USP31: variants seen among roughly 807,000 people sequenced by gnomAD.
The protein encoded by USP31 is ubiquitin carboxyl-terminal hydrolase 31.
In USP31, 44 loss-of-function variants were observed where a neutral mutation model predicts 119.4. The observed-to-expected ratio is 0.37, with a 90% CI of 0.29 to 0.47. The LOEUF is 0.47. Ranked by LOEUF, USP31 falls within the 20% of genes least tolerant of loss-of-function variation. USP31 has a pLI of 0.99. For synonymous variants in USP31, 749 were observed against 705.6 expected, an observed-to-expected ratio of 1.06 and a Z score of -0.97; for missense variants, 1,643 against 1,730.2, an observed-to-expected ratio of 0.95 and a Z score of 0.89.
In USP31 at chr16:23,068,305, C is replaced by T. The variant is rs1409755861; in HGVS notation, c.3800G>A (p.Gly1267Glu). ...SSVKSVCKNT[G>E]DDEAERGHQP... ...GTGGCCTCTCTCTGCCTCGTCGTCC[C>T]CGGTGTTCTTACAGACAGACTTAAC... The change falls in exon 16 of 16, where the codon GGG becomes GAG. Residue 1267 changes from glycine (G) to glutamate (E), a missense_variant. Coordinates refer to ENST00000219689, the MANE Select transcript of USP31 (RefSeq NM_020718.4). The T allele has an allele frequency of 6.2e-7, 1 of 1,613,974 alleles. No homozygotes were observed. Among genetic ancestry groups the T allele is most frequent in the Non-Finnish European group, 8.5e-7 (1 of 1,179,864 alleles).
chr16:23,117,660 T>C (rs1902534346), intron 1 of USP31, among the ~76,000 whole-genome samples: 1 of 152,174 alleles, frequency 6.6e-6, no homozygotes, highest in African/African-American at 2.4e-5. Context: ...AAAAACTTTC[T>C]GCTAGAAACT....
rs780428101 is a variant in USP31 at position 23,069,541 on chromosome 16, G to T, written c.2564C>A (p.Pro855His). ...SLSSRSSVTS[P>H]LAVNENCMRP... ...CATGCAATTTTCATTGACGGCCAAG[G>T]GGCTGGTGACAGAAGATCTGGATGA... is the stretch of plus-strand genomic sequence containing the variant. Residue 855 changes from proline (P) to histidine (H), a missense_variant, in exon 16 of 16, where the codon CCC becomes CAC. Physicochemically the swap from Pro to His is moderately conservative, Grantham distance 77. Coordinates refer to ENST00000219689, the MANE Select transcript of USP31 (RefSeq NM_020718.4). The T allele has an allele frequency of 6.2e-7, 1 of 1,614,116 alleles. No homozygotes were observed. Among genetic ancestry groups the T allele is most frequent in the South Asian group, 1.1e-5 (1 of 91,078 alleles).
intron 1 of USP31, among the ~76,000 whole-genome samples, chr16:23,121,623 C>A (rs181365367): frequency 6.6e-6 from 1 of 152,310 alleles, no homozygotes; most frequent in Non-Finnish European, 1.5e-5. Context: ...ATGTTACTAT[C>A]ATATAGTAAC....
intron 6 of USP31, among the ~76,000 whole-genome samples, chr16:23,094,054 C>T (rs1219394140): frequency 1.3e-5 from 2 of 152,114 alleles, no homozygotes; most frequent in Non-Finnish European, 2.9e-5. Flanking sequence ...TCGCCTCACC[C>T]GGGAAGCTCA....
intron 1 of USP31, among the ~76,000 whole-genome samples, chr16:23,144,563 T>C (rs1903451267): frequency 6.6e-6 from 1 of 151,904 alleles, no homozygotes; most frequent in Non-Finnish European, 1.5e-5. Flanking sequence ...CACTGCAACC[T>C]CCACCTCCTG....
At chr16:23,082,598 G>C in intron 11 of USP31, 41 bp from the exon 12 acceptor site, 1 of 1,612,486 alleles carries the variant, frequency 6.2e-7, no homozygotes, top group South Asian at 1.1e-5. Flanking sequence ...GCCACTTAAT[G>C]CAAGACTGTG....
At chr16:23,139,253 T>G (rs888015570) in intron 1 of USP31, among the ~76,000 whole-genome samples, 1 of 151,960 alleles carries the variant, frequency 6.6e-6, no homozygotes, top group Non-Finnish European at 1.5e-5. Flanking sequence ...AATACAAAAA[T>G]TAGCTGGGCA....
At chr16:23,106,546 T>C in intron 2 of USP31, 59 bp from the exon 3 acceptor site, 2 of 1,485,330 alleles carry the variant, frequency 1.3e-6, no homozygotes, top group Non-Finnish European at 1.8e-6. Context: ...TGGTTGAAGA[T>C]GAAGCTAGAG....
intron 6 of USP31, among the ~76,000 whole-genome samples, chr16:23,092,841 T>C (rs955275593): frequency 1.3e-5 from 2 of 151,972 alleles, no homozygotes; most frequent in Admixed American, 6.5e-5. Context: ...AATCAGAAAC[T>C]GGAGGTGCCA....
chr16:23,073,278 T>C (rs1900419798), intron 14 of USP31, among the ~76,000 whole-genome samples: 1 of 152,200 alleles, frequency 6.6e-6, no homozygotes, highest in Non-Finnish European at 1.5e-5. Context: ...TCCTTTACCC[T>C]TTACAAAATG....
chr16:23,090,930 C>CA, intron 6 of USP31, 126 bp from the exon 7 acceptor site: 2 of 858,258 alleles, frequency 2.3e-6, no homozygotes, highest in Non-Finnish European at 3.3e-6. Context: ...AAACTGCAAT[C>CA]AAAAAAAGAA....
chr16:23,074,019 A>T (rs189151511), intron 13 of USP31, 139 bp from the exon 14 acceptor site: 67 of 1,084,880 alleles, frequency 6.2e-5, no homozygotes, highest in African/African-American at 3.0e-4. Flanking sequence ...GAAAGAGATT[A>T]AAAAAAAATT....
intron 1 of USP31, among the ~76,000 whole-genome samples, chr16:23,119,339 C>A (rs758694225): frequency 3.9e-5 from 6 of 152,034 alleles, no homozygotes; most frequent in Non-Finnish European, 5.9e-5. Flanking sequence ...CTCAAGTGAG[C>A]CGCCTGCCTC....
chr16:23,107,132 T>C (rs1242795322), intron 2 of USP31, among the ~76,000 whole-genome samples: 2 of 151,544 alleles, frequency 1.3e-5, no homozygotes, highest in Non-Finnish European at 2.9e-5. Flanking sequence ...AAAAAAGTAC[T>C]AATGCTTCCC....
At chr16:23,089,935 T>A (rs1415091098) in intron 7 of USP31, among the ~76,000 whole-genome samples, 2 of 152,114 alleles carry the variant, frequency 1.3e-5, no homozygotes, top group East Asian at 3.8e-4. Context: ...AAGTTCAATT[T>A]GGGACAGAAG....
rs188687090 is a variant in USP31 at position 23,068,307 on chromosome 16, G to C, written c.3798C>G (p.Thr1266=). The C allele has an allele frequency of 6.2e-7, 1 of 1,613,934 alleles. No individual in the cohort carries two copies. Among genetic ancestry groups the C allele is most frequent in the East Asian group, 2.2e-5 (1 of 44,866 alleles). The change falls in exon 16 of 16, where the codon ACC becomes ACG. Residue 1266 remains threonine (T), a synonymous_variant. Transcript: ENST00000219689. ...GGCCTCTCTCTGCCTCGTCGTCCCC[G>C]GTGTTCTTACAGACAGACTTAACAG... is the stretch of plus-strand genomic sequence containing the variant. ...GSSVKSVCKN[T]GDDEAERGHQ... is the part of the protein sequence containing the mutation.
chr16:23,138,607 AACCATC>A (rs947946024), intron 1 of USP31, among the ~76,000 whole-genome samples: 4 of 152,170 alleles, frequency 2.6e-5, no homozygotes, highest in Non-Finnish European at 4.4e-5. Flanking sequence ...GCCCTGCTCA[AACCATC>A]ACTCAGTGGG....
intron 14 of USP31, chr16:23,072,441 G>A: frequency 1.6e-6 from 1 of 609,396 alleles, no homozygotes; most frequent in South Asian, 1.9e-5. Context: ...TGCAAGGATA[G>A]GGATGAATAC....
In USP31 at chr16:23,149,366, G is replaced by GC; in HGVS notation, c.-97dup. ...ATCCCGCAGCGCCGCGCCTCACCGG[G>GC]CCCGGGGGCTCGACGCCCCACACAC... On this transcript the variant is annotated 5_prime_UTR_variant, in exon 1 of 16. Transcript: ENST00000219689. 1.0e-6 allele frequency: 1 copy of GC among 990,846 alleles called. No individual in the cohort carries two copies. The highest frequency in any genetic ancestry group is 4.5e-5 in the South Asian group (1 of 22,030). The allele number at this position is 990,846 out of a possible 1,614,324, so 61.4% of individuals were successfully genotyped here.
Sources: allele counts gnomAD v4.1 joint callset (sites outside exome capture counted in the v4.1 genomes callset), GRCh38; gene constraint gnomAD v4.1.1; transcripts MANE v1.5; gene names NCBI Gene and HGNC (gene_info 2026-07-23, HGNC 2026-07-21).